The following ABCA1 variants were observed in gnomAD, a reference collection of about 807,000 sequenced individuals.
ABCA1 encodes ATP binding cassette subfamily A member 1, also known as phospholipid-transporting ATPase ABCA1.
A neutral mutation model predicts 262.5 loss-of-function variants in ABCA1; 133 were observed. The observed-to-expected ratio is 0.51, with a 90% CI of 0.44 to 0.59. ABCA1 has a LOEUF of 0.59. Ranked by LOEUF, ABCA1 falls within the 20% of genes least tolerant of loss-of-function variation. The pLI is 0.00. For synonymous variants in ABCA1, 1,022 were observed against 1,043.5 expected, an observed-to-expected ratio of 0.98 and a Z score of 0.40; for missense variants, 2,452 against 2,777.5, an observed-to-expected ratio of 0.88 and a Z score of 2.63.
intron 5 of ABCA1, among the ~76,000 whole-genome samples, chr9:104,868,730 A>G (rs907309272): frequency 2.0e-5 from 3 of 152,204 alleles, no homozygotes; most frequent in Admixed American, 6.5e-5. Context: ...AAAACAGGTG[A>G]CATGTGTGTT....
chr9:104,824,550 A>G lies in ABCA1; in HGVS notation c.2571T>C (p.Tyr857=), dbSNP rs1378352891. The G allele has an allele frequency of 2.5e-6, 4 of 1,614,032 alleles. No individual in the cohort carries two copies. Among genetic ancestry groups the G allele is most frequent in the Non-Finnish European group, 2.5e-6 (3 of 1,180,036 alleles). ...PGQYGIPRPW[Y]FPCTKSYWFG... ...ACCAGTAGGACTTGGTGCAAGGAAA[A>G]TACCAGGGCCTGGGAATTCCGTACT... Residue 857 remains tyrosine (Y), a synonymous_variant, in exon 18 of 50, where the codon TAT becomes TAC. Coordinates refer to ENST00000374736, the MANE Select transcript of ABCA1 (RefSeq NM_005502.4).
At chr9:104,852,741 G>T (rs1423214897) in intron 7 of ABCA1, among the ~76,000 whole-genome samples, 1 of 152,162 alleles carries the variant, frequency 6.6e-6, no homozygotes, top group Non-Finnish European at 1.5e-5. Context: ...GCTGCTTGCT[G>T]GGAGAAAGCA....
intron 3 of ABCA1, among the ~76,000 whole-genome samples, chr9:104,885,982 A>C (rs1384300207): frequency 1.3e-5 from 2 of 152,110 alleles, no homozygotes; most frequent in Non-Finnish European, 2.9e-5. Flanking sequence ...TTGACCCCAT[A>C]CCCTCAGTTT....
chr9:104,851,249 C>T (rs913349165), intron 7 of ABCA1, among the ~76,000 whole-genome samples: 2 of 152,150 alleles, frequency 1.3e-5, no homozygotes, highest in African/African-American at 4.8e-5. Flanking sequence ...TGCTCTGTTT[C>T]GTATTCACCT....
At chr9:104,792,503 A>T (rs1829512644) in intron 42 of ABCA1, among the ~76,000 whole-genome samples, 1 of 152,196 alleles carries the variant, frequency 6.6e-6, no homozygotes, top group Non-Finnish European at 1.5e-5. Flanking sequence ...CTCAGTTTTG[A>T]CTAGATATAC....
At chr9:104,827,507 A>G (rs569103101) in intron 15 of ABCA1, among the ~76,000 whole-genome samples, 1 of 152,346 alleles carries the variant, frequency 6.6e-6, no homozygotes, top group Non-Finnish European at 1.5e-5. Flanking sequence ...GTGGCACCAC[A>G]GAAGAGCTGT....
rs2275542 is a variant in ABCA1, at chr9:104,882,799, C to T, written c.421+240G>A. On this transcript the variant is annotated intron_variant, in intron 5 of 49. Transcript: ENST00000374736. The stretch of plus-strand genomic sequence containing the variant: ...TAAGGCCAAGTCTGTAGTATTCTTC[C>T]CTGGGGACTTTTCTTCTGTCTTCCC... Among the ~76,000 whole-genome samples the T allele has an allele frequency of 0.29, 43,683 of 152,114 alleles. 6,476 individuals are homozygous for T. The highest frequency in any genetic ancestry group is 0.42 in the South Asian group (2,037 of 4,824).
intron 17 of ABCA1, among the ~76,000 whole-genome samples, chr9:104,825,296 G>A (rs949182742): frequency 2.6e-5 from 4 of 152,298 alleles, no homozygotes; most frequent in East Asian, 3.9e-4. Flanking sequence ...CAGTGTAACC[G>A]AAGTGGATTC....
chr9:104,865,477 T>C lies in ABCA1; in HGVS notation c.422-3677A>G, dbSNP rs540536615. Among the ~76,000 whole-genome samples the C allele has an allele frequency of 6.8e-4, 101 of 147,956 alleles. 1 individual carries two copies. The highest frequency in any genetic ancestry group is 1.2e-3 in the Non-Finnish European group (82 of 67,604). ...GTTGCACTGAGCAGAGATGGCACCA[T>C]TGCACTCCAGCCTGGGTGACAGAGC... On this transcript the variant is annotated intron_variant, in intron 5 of 49. Coordinates refer to ENST00000374736, the MANE Select transcript of ABCA1 (RefSeq NM_005502.4).
At chr9:104,882,899 C>T in intron 5 of ABCA1, 140 bp downstream of exon 5, 2 of 864,278 alleles carry the variant, frequency 2.3e-6, no homozygotes, top group South Asian at 1.4e-5. Flanking sequence ...TGGAGAGGGG[C>T]CCCACAGGCC....
intron 1 of ABCA1, among the ~76,000 whole-genome samples, chr9:104,906,288 C>T (rs1841127632): frequency 6.6e-6 from 1 of 152,124 alleles, no homozygotes; most frequent in South Asian, 2.1e-4. Context: ...TATAGAATAT[C>T]ACCTCCCCTA....
chr9:104,805,558 T>A (rs1382708000), intron 31 of ABCA1, among the ~76,000 whole-genome samples: 1 of 151,138 alleles, frequency 6.6e-6, no homozygotes, highest in African/African-American at 2.4e-5. Context: ...CCAAACAGAG[T>A]CTCTAAGAAT....
At chr9:104,918,597 T>G (rs1020539639) in intron 1 of ABCA1, among the ~76,000 whole-genome samples, 3 of 152,216 alleles carry the variant, frequency 2.0e-5, no homozygotes, top group African/African-American at 7.2e-5. Flanking sequence ...GTGCATTTAA[T>G]TTTCAAATAT....
chr9:104,853,849 T>G (rs1167736920), intron 7 of ABCA1, among the ~76,000 whole-genome samples: 2 of 152,200 alleles, frequency 1.3e-5, no homozygotes, highest in Admixed American at 6.5e-5. Flanking sequence ...AAACTATTCC[T>G]TCCAATCAAG....
chr9:104,925,624 C>T (rs1256134643), intron 1 of ABCA1, among the ~76,000 whole-genome samples: 2 of 152,088 alleles, frequency 1.3e-5, no homozygotes, highest in Admixed American at 6.6e-5. Flanking sequence ...CCCACTTCCC[C>T]GGTCCTTCTG....
intron 7 of ABCA1, among the ~76,000 whole-genome samples, chr9:104,857,633 A>G (rs947607197): frequency 6.6e-6 from 1 of 152,202 alleles, no homozygotes; most frequent in Non-Finnish European, 1.5e-5. Context: ...CCAGAAACTG[A>G]GTATTCTTAA....
intron 34 of ABCA1, among the ~76,000 whole-genome samples, chr9:104,801,782 G>T (rs1317811385): frequency 3.3e-5 from 5 of 152,150 alleles, no homozygotes; most frequent in African/African-American, 1.2e-4. Flanking sequence ...GACCTCAAGT[G>T]ATCCACCCGC....
rs185702537 is a variant in ABCA1, at chr9:104,792,376, A to G, written c.5758-378T>C. Among the ~76,000 whole-genome samples the G allele has an allele frequency of 4.2e-4, 64 of 152,358 alleles. 1 individual carries two copies. The East Asian group carries it at 9.6e-3, about 23-fold the overall frequency. On this transcript the variant is annotated intron_variant, in intron 42 of 49. Coordinates refer to ENST00000374736, the MANE Select transcript of ABCA1 (RefSeq NM_005502.4). ...AATACTGTACAGATTCCAAAAAAGT[A>G]AAATTTGGAGATGCTGGCATCTAGA...
intron 1 of ABCA1, among the ~76,000 whole-genome samples, chr9:104,914,750 A>C (rs1841737245): frequency 6.6e-6 from 1 of 152,244 alleles, no homozygotes. Flanking sequence ...AAGCAGATTC[A>C]CTACAGTAAC....
Sources: allele counts gnomAD v4.1 joint callset (sites outside exome capture counted in the v4.1 genomes callset), GRCh38; gene constraint gnomAD v4.1.1; transcripts MANE v1.5; gene names NCBI Gene and HGNC (gene_info 2026-07-23, HGNC 2026-07-21).